Variants in LUZP2 observed in about 807,000 individuals in gnomAD.
LUZP2 encodes the protein leucine zipper protein 2.
A neutral mutation model predicts 51.6 loss-of-function variants in LUZP2; 52 were observed. The ratio of observed to expected loss-of-function variants is 1.01; its 90% CI spans 0.81 to 1.27. The LOEUF is 1.27. LUZP2 is among the 50% of genes most tolerant of loss of function. The pLI is 0.00. For synonymous variants in LUZP2, 154 were observed against 137.3 expected, an observed-to-expected ratio of 1.12 and a Z score of -0.85; for missense variants, 436 against 395.4, an observed-to-expected ratio of 1.10 and a Z score of -0.87.
chr11:24,669,961 A>C (rs1164700140), intron 1 of LUZP2, among the ~76,000 whole-genome samples: 1 of 152,108 alleles, frequency 6.6e-6, no homozygotes, highest in Non-Finnish European at 1.5e-5. Flanking sequence ...TCTAGAGATG[A>C]CAATAAATTG....
chr11:24,766,299 A>G (rs1326045640), intron 5 of LUZP2, among the ~76,000 whole-genome samples: 2 of 152,170 alleles, frequency 1.3e-5, no homozygotes, highest in African/African-American at 4.8e-5. Flanking sequence ...TCAAATAATC[A>G]TATTAACAAT....
chr11:24,623,710 G>A lies in LUZP2; in HGVS notation c.63-105459G>A, dbSNP rs545162283. On this transcript the variant is annotated intron_variant, in intron 1 of 11. Transcript: ENST00000336930. ...AAAATACAAAAAATTAGCCAGGAGT[G>A]GTGGCCGGTGCCTGTAGGCCCTGCT... Among the ~76,000 whole-genome samples, 179 of 152,206 alleles carry A rather than the reference G, an allele frequency of 1.2e-3. 2 individuals are homozygous for A. Among genetic ancestry groups the A allele is most frequent in the African/African-American group, 4.0e-3 (165 of 41,526 alleles).
At chr11:24,999,512 G>T (rs1199369111) in intron 9 of LUZP2, among the ~76,000 whole-genome samples, 2 of 151,828 alleles carry the variant, frequency 1.3e-5, no homozygotes, top group Non-Finnish European at 2.9e-5. Context: ...AGAAGAAGAG[G>T]AGGAGGAAGA....
intron 10 of LUZP2, among the ~76,000 whole-genome samples, chr11:25,065,256 C>T (rs1022370109): frequency 6.6e-6 from 1 of 151,988 alleles, no homozygotes; most frequent in African/African-American, 2.4e-5. Context: ...CAGTCATCAC[C>T]TGGTACATCT....
intron 4 of LUZP2, among the ~76,000 whole-genome samples, chr11:24,742,411 G>A (rs183121459): frequency 6.6e-6 from 1 of 151,998 alleles, no homozygotes; most frequent in African/African-American, 2.4e-5. Flanking sequence ...GAGTAAGGTG[G>A]TATTGCATTT....
intron 1 of LUZP2, among the ~76,000 whole-genome samples, chr11:24,699,696 C>G (rs1323544968): frequency 6.7e-6 from 1 of 149,608 alleles, no homozygotes; most frequent in Non-Finnish European, 1.5e-5. Context: ...CAGACACACA[C>G]ACACACGCAC....
chr11:24,743,710 G>C (rs1859272635), intron 4 of LUZP2, among the ~76,000 whole-genome samples: 1 of 152,048 alleles, frequency 6.6e-6, no homozygotes, highest in African/African-American at 2.4e-5. Context: ...GCTCTGGATA[G>C]GACTTCCAAC....
intron 5 of LUZP2, among the ~76,000 whole-genome samples, chr11:24,832,732 A>G (rs1850737875): frequency 6.6e-6 from 1 of 152,028 alleles, no homozygotes; most frequent in African/African-American, 2.4e-5. Context: ...CCTTACTGTA[A>G]GTTCTAAAAG....
chr11:24,728,085 T>A (rs1380455337), intron 1 of LUZP2, among the ~76,000 whole-genome samples: 2 of 152,042 alleles, frequency 1.3e-5, no homozygotes, highest in Non-Finnish European at 2.9e-5. Context: ...GTAAGTTAAC[T>A]GTTACATTTT....
chr11:24,607,979 G>T (rs866010910), intron 1 of LUZP2, among the ~76,000 whole-genome samples: 1 of 152,042 alleles, frequency 6.6e-6, no homozygotes, highest in Non-Finnish European at 1.5e-5. Flanking sequence ...CTCCCGAGTA[G>T]CTGGGACTAC....
intron 7 of LUZP2, among the ~76,000 whole-genome samples, chr11:24,939,176 C>T (rs1854674526): frequency 6.6e-6 from 1 of 151,904 alleles, no homozygotes; most frequent in Non-Finnish European, 1.5e-5. Flanking sequence ...TCACTAGCTT[C>T]CTAGTATTTC....
chr11:24,713,146 T>A (rs142870061), intron 1 of LUZP2, among the ~76,000 whole-genome samples: 4,524 of 152,216 alleles, frequency 0.03, 109 homozygotes, highest in Middle Eastern at 0.048. Flanking sequence ...CATTGAGTGT[T>A]GGCTCTGATA....
chr11:24,598,228 A>T (rs1853509784), intron 1 of LUZP2, among the ~76,000 whole-genome samples: 1 of 152,208 alleles, frequency 6.6e-6, no homozygotes, highest in Non-Finnish European at 1.5e-5. Flanking sequence ...TGAGAAAAGC[A>T]AAATGAGAGT....
rs899601195 is a variant in LUZP2 at position 25,001,935 on chromosome 11, C to G, written c.765+18642C>G. The stretch of plus-strand genomic sequence containing the variant: ...ACTGCTGTTCTCCCTTCTCCTTTCC[C>G]TTTTTGATGGCTTTGGCAGTGTAAG... On this transcript the variant is annotated intron_variant, in intron 9 of 11. Coordinates refer to ENST00000336930, the MANE Select transcript of LUZP2 (RefSeq NM_001009909.4). 6.6e-5 allele frequency among the ~76,000 whole-genome samples: 10 copies of G among 152,256 alleles called. No individual in the cohort carries two copies. In the South Asian group the frequency reaches 2.1e-3, roughly 32 times the overall value.
At chr11:24,908,466 GCAACTTTAATTTTGCCGTGAAAT>G (rs1340637028) in intron 6 of LUZP2, among the ~76,000 whole-genome samples, 2 of 151,986 alleles carry the variant, frequency 1.3e-5, no homozygotes, top group African/African-American at 4.8e-5. Context: ...ATCATTATTA[GCAACTTTAATTTTGCCGTGAAAT>G]CTTCTTATGA....
intron 1 of LUZP2, among the ~76,000 whole-genome samples, chr11:24,588,546 T>C (rs1853149615): frequency 6.6e-6 from 1 of 152,054 alleles, no homozygotes; most frequent in Admixed American, 6.6e-5. Context: ...GGATAAAACA[T>C]TTAAGCCATC....
At chr11:24,921,332 T>C (rs972395857) in intron 7 of LUZP2, among the ~76,000 whole-genome samples, 1 of 152,072 alleles carries the variant, frequency 6.6e-6, no homozygotes, top group Non-Finnish European at 1.5e-5. Context: ...TGACCAGGTG[T>C]GTCATTTATG....
At chr11:25,058,385 T>C (rs1253703631) in intron 10 of LUZP2, among the ~76,000 whole-genome samples, 2 of 152,122 alleles carry the variant, frequency 1.3e-5, no homozygotes, top group Non-Finnish European at 2.9e-5. Context: ...TAAATGAAAA[T>C]AACCCAGTAA....
chr11:25,052,711 G>A (rs2134026209), intron 10 of LUZP2, among the ~76,000 whole-genome samples: 1 of 151,664 alleles, frequency 6.6e-6, no homozygotes, highest in East Asian at 1.9e-4. Context: ...TGCAATTTGG[G>A]TTGCTTTATT....
Sources: allele counts gnomAD v4.1 joint callset (sites outside exome capture counted in the v4.1 genomes callset), GRCh38; gene constraint gnomAD v4.1.1; transcripts MANE v1.5; gene names NCBI Gene and HGNC (gene_info 2026-07-23, HGNC 2026-07-21).